The following ADAMTS19 variants were observed in gnomAD, a reference collection of about 807,000 sequenced individuals.
The protein encoded by ADAMTS19 is A disintegrin and metalloproteinase with thrombospondin motifs 19.
Under a neutral mutation model 153.3 loss-of-function variants are expected in ADAMTS19, and 93 were observed. The ratio of observed to expected loss-of-function variants is 0.61; its 90% CI spans 0.51 to 0.72. The LOEUF is 0.72. Ranked by LOEUF, ADAMTS19 falls within the 30% of genes least tolerant of loss-of-function variation. ADAMTS19 has a pLI of 0.00. For missense variants in ADAMTS19, 1,482 were observed against 1,552.1 expected (o/e 0.95, Z 0.76); for synonymous variants, 600 against 556.6 (o/e 1.08, Z -1.10).
intron 7 of ADAMTS19, among the ~76,000 whole-genome samples, chr5:129,592,350 C>G (rs1273033232): frequency 6.8e-6 from 1 of 146,170 alleles, no homozygotes; most frequent in Non-Finnish European, 1.5e-5. Context: ...CTGCACTCAG[C>G]CTGGGCGACA....
chr5:129,724,560 G>C (rs1474005182), intron 21 of ADAMTS19, among the ~76,000 whole-genome samples: 1 of 152,040 alleles, frequency 6.6e-6, no homozygotes, highest in Non-Finnish European at 1.5e-5. Flanking sequence ...CATTATCTGG[G>C]GTAAATACCC....
chr5:129,514,723 C>A (rs1385367763), intron 3 of ADAMTS19, among the ~76,000 whole-genome samples: 2 of 151,938 alleles, frequency 1.3e-5, no homozygotes, highest in African/African-American at 4.8e-5. Flanking sequence ...CAAATATTTT[C>A]TCCCATTCTG....
At chr5:129,527,616 C>CTT (rs370814072) in intron 4 of ADAMTS19, 132 bp from the exon 5 acceptor site, 190 of 177,248 alleles carry the variant, frequency 1.1e-3, no homozygotes, top group South Asian at 4.4e-3. Flanking sequence ...GCTTTACAAG[C>CTT]TTTTTTTTTT....
At chr5:129,642,605 T>TA (rs1188499065) in intron 11 of ADAMTS19, among the ~76,000 whole-genome samples, 26 of 152,340 alleles carry the variant, frequency 1.7e-4, no homozygotes, top group Non-Finnish European at 3.4e-4. Context: ...AACAGATCAA[T>TA]AGTTTACATA....
In ADAMTS19 at chr5:129,737,739, T is replaced by A. The variant is rs780122312; in HGVS notation, c.*521T>A. ...AGGTTTTTAGAGAATGTATTATGAA[T>A]TTGGTTCAGATTTATAGACATCCAT... On this transcript the variant is annotated 3_prime_UTR_variant, in exon 23 of 23. Coordinates refer to ENST00000274487, the MANE Select transcript of ADAMTS19 (RefSeq NM_133638.6). The A allele has an allele frequency of 6.6e-6, 1 of 152,502 alleles. No individual in the cohort carries two copies. Among genetic ancestry groups the A allele is most frequent in the Admixed American group, 6.6e-5 (1 of 15,246 alleles). The allele number at this position is 152,502 out of a possible 1,614,324, so 9.4% of individuals were successfully genotyped here. A position where few individuals can be genotyped will look rare whatever the true frequency, so the allele number is the denominator to read the frequency against.
intron 13 of ADAMTS19, among the ~76,000 whole-genome samples, chr5:129,649,331 C>T (rs959615880): frequency 6.6e-6 from 1 of 152,092 alleles, no homozygotes; most frequent in Non-Finnish European, 1.5e-5. Flanking sequence ...CATACACTAA[C>T]AATACAGAAA....
chr5:129,654,523 G>T, intron 14 of ADAMTS19, 90 bp downstream of exon 14: 1 of 1,421,890 alleles, frequency 7.0e-7, no homozygotes. Context: ...GAAAGCTTTG[G>T]ACTTAGATTC....
intron 14 of ADAMTS19, among the ~76,000 whole-genome samples, chr5:129,656,676 T>C (rs1324101674): frequency 6.6e-6 from 1 of 152,252 alleles, no homozygotes; most frequent in African/African-American, 2.4e-5. Context: ...TGTGCATACT[T>C]AAAACTACCA....
intron 6 of ADAMTS19, among the ~76,000 whole-genome samples, chr5:129,548,126 A>G (rs1752930041): frequency 1.3e-5 from 2 of 150,748 alleles, no homozygotes; most frequent in Non-Finnish European, 2.9e-5. Context: ...CAAAGACTTC[A>G]TGTCTAAAAC....
At chr5:129,550,691 A>C (rs1173638871) in intron 6 of ADAMTS19, among the ~76,000 whole-genome samples, 2 of 148,504 alleles carry the variant, frequency 1.3e-5, no homozygotes, top group African/African-American at 5.0e-5. Flanking sequence ...AATAGGCAAA[A>C]GTATTGTGCT....
At chr5:129,725,757 C>G (rs1757183114) in intron 21 of ADAMTS19, among the ~76,000 whole-genome samples, 1 of 152,030 alleles carries the variant, frequency 6.6e-6, no homozygotes, top group African/African-American at 2.4e-5. Flanking sequence ...TAGCATAACA[C>G]TACCACCCAT....
chr5:129,648,268 C>T (rs184480699), intron 12 of ADAMTS19, among the ~76,000 whole-genome samples: 2 of 152,038 alleles, frequency 1.3e-5, no homozygotes, highest in East Asian at 3.9e-4. Context: ...CTAAGACTAA[C>T]GAAAAACAGA....
At chr5:129,736,137 G>A (rs1757654484) in intron 22 of ADAMTS19, among the ~76,000 whole-genome samples, 1 of 151,944 alleles carries the variant, frequency 6.6e-6, no homozygotes, top group South Asian at 2.1e-4. Flanking sequence ...AGCAATTCTA[G>A]AGCAGATGTA....
At chr5:129,607,702 A>G (rs572721563) in intron 8 of ADAMTS19, among the ~76,000 whole-genome samples, 9 of 152,322 alleles carry the variant, frequency 5.9e-5, no homozygotes, top group Admixed American at 2.0e-4. Flanking sequence ...TATTTCAGTT[A>G]TGATGAGTCT....
At position 129,461,680 on chromosome 5, in the gene ADAMTS19, G is replaced by A. The variant is rs748458894; in HGVS notation, c.670G>A (p.Ala224Thr). 4 of 1,579,304 alleles carry A rather than the reference G, an allele frequency of 2.5e-6. No individual in the cohort carries two copies. Among genetic ancestry groups the A allele is most frequent in the Admixed American group, 1.7e-5 (1 of 57,264 alleles). Residue 224 changes from alanine to threonine, a missense_variant, in exon 2 of 23, where the codon GCA becomes ACA. Ala to Thr is a moderately conservative substitution (Grantham distance 58). Coordinates refer to ENST00000274487, the MANE Select transcript of ADAMTS19 (RefSeq NM_133638.6). The surrounding 1 kb of genome is among the most constrained non-coding windows in gnomAD (Gnocchi z 4.6). Reference sequence around the variant, plus strand: ...CCCGCAACCTCCCGCGCCACCAGACGCAGGCTGCTTCTACACCGGAGCTGT... The same window carrying A: ...CCCGCAACCTCCCGCGCCACCAGACACAGGCTGCTTCTACACCGGAGCTGT... The part of the protein sequence containing the change: ...SAPQPPAPPD[A>T]GCFYTGAVLR...
intron 10 of ADAMTS19, among the ~76,000 whole-genome samples, chr5:129,624,379 T>C (rs1178006408): frequency 6.6e-6 from 1 of 152,142 alleles, no homozygotes; most frequent in Admixed American, 6.6e-5. Flanking sequence ...AAAAGTCTGG[T>C]CACAATCCTC....
intron 19 of ADAMTS19, among the ~76,000 whole-genome samples, chr5:129,696,268 T>C (rs1755546230): frequency 2.0e-5 from 3 of 151,976 alleles, no homozygotes; most frequent in Non-Finnish European, 4.4e-5. Flanking sequence ...AAATACAAAA[T>C]TAGCCAGGCA....
chr5:129,617,779 G>T (rs759691834), intron 8 of ADAMTS19, among the ~76,000 whole-genome samples: 27 of 152,016 alleles, frequency 1.8e-4, no homozygotes, highest in Non-Finnish European at 3.7e-4. Context: ...TAATATCTAA[G>T]TAAATTCTTT....
At chr5:129,655,439 T>C (rs1482286296) in intron 14 of ADAMTS19, among the ~76,000 whole-genome samples, 1 of 152,222 alleles carries the variant, frequency 6.6e-6, no homozygotes, top group Non-Finnish European at 1.5e-5. Flanking sequence ...TGAAAGAGGC[T>C]GCTGAGTGGA....
Sources: gnomAD v4.1 joint callset for allele counts (sites outside exome capture counted in the v4.1 genomes callset) on GRCh38, gnomAD v4.1.1 for gene constraint, Gnocchi (gnomAD v3.1) non-coding constraint, MANE v1.5 for transcripts, NCBI Gene and HGNC (gene_info 2026-07-23, HGNC 2026-07-21) for gene names.